Variants in KDM4B observed in about 807,000 individuals in gnomAD.
KDM4B encodes lysine demethylase 4B.
Under a neutral mutation model 125.2 loss-of-function variants are expected in KDM4B, and 32 were observed. The ratio of observed to expected loss-of-function variants is 0.26; its 90% confidence interval spans 0.19 to 0.34. The LOEUF (loss-of-function observed/expected upper bound fraction) is 0.34. Among genes scored for constraint, KDM4B ranks in the 10% least tolerant of loss-of-function variants. The pLI is 1.00. For missense variants in KDM4B, 1,190 were observed against 1,577.7 expected, an observed-to-expected ratio of 0.75 and a Z score of 4.16; for synonymous variants, 721 against 677.9, an observed-to-expected ratio of 1.06 and a Z score of -0.99.
At chr19:5,136,164 C>T (rs900507057) in intron 15 of KDM4B, among the ~76,000 whole-genome samples, 11 of 152,152 alleles carry the variant, frequency 7.2e-5, no homozygotes, top group African/African-American at 2.4e-4. Context: ...TGGGAGGCGA[C>T]AGGAGGAACT....
chr19:4,975,685 C>T (rs1249935257), intron 1 of KDM4B, among the ~76,000 whole-genome samples: 4 of 151,456 alleles, frequency 2.6e-5, no homozygotes, highest in Non-Finnish European at 4.4e-5. Context: ...CTCCACCTCC[C>T]GGATTCAAGC....
intron 6 of KDM4B, among the ~76,000 whole-genome samples, chr19:5,067,273 G>A (rs1246767229): frequency 1.3e-5 from 2 of 152,098 alleles, no homozygotes; most frequent in African/African-American, 2.4e-5. Context: ...CTGAAGCCCC[G>A]TGGCTGTTCT....
chr19:5,055,985 G>A (rs858415), intron 6 of KDM4B, among the ~76,000 whole-genome samples: 120,247 of 152,056 alleles, frequency 0.79, 48,364 homozygotes, highest in East Asian at 0.94. Context: ...GTCTTCCCCC[G>A]TTGTCTTTTC....
intron 9 of KDM4B, among the ~76,000 whole-genome samples, chr19:5,106,186 C>A (rs1384973488): frequency 6.6e-6 from 1 of 152,190 alleles, no homozygotes; most frequent in African/African-American, 2.4e-5. Context: ...CAGCGCACAC[C>A]TCCCTGTTGT....
At position 5,035,486 on chromosome 19, in the gene KDM4B, G is replaced by A. The variant is rs560557645; in HGVS notation, c.141+2455G>A. 5.3e-5 allele frequency among the ~76,000 whole-genome samples: 8 copies of A among 152,052 alleles called. No individual in the cohort carries two copies. Among genetic ancestry groups the A allele is most frequent in the African/African-American group, 1.4e-4 (6 of 41,498 alleles). ...GTTTCCGGCTCTCTCTGCCCTCCAC[G>A]TGGCGGCCTTGGGTGCAGCCTGGGT... On this transcript the variant is annotated intron_variant, in intron 3 of 22. Coordinates refer to ENST00000159111, the MANE Select transcript of KDM4B (RefSeq NM_015015.3). The surrounding 1 kb of genome is among the most constrained non-coding windows in gnomAD (Gnocchi z 5.3).
At chr19:5,064,982 A>G (rs978353049) in intron 6 of KDM4B, among the ~76,000 whole-genome samples, 2 of 152,214 alleles carry the variant, frequency 1.3e-5, no homozygotes, top group Non-Finnish European at 2.9e-5. Flanking sequence ...GTGAGGGGAC[A>G]GGATATTGGA....
chr19:5,093,610 G>A (rs983320575), intron 9 of KDM4B, among the ~76,000 whole-genome samples: 6 of 152,212 alleles, frequency 3.9e-5, no homozygotes, highest in East Asian at 1.9e-4. Context: ...AGCCATCAGC[G>A]CAGATGCGGG....
rs750020958 is a variant in KDM4B, at chr19:5,077,316, A to T, written c.677-51A>T. 6.6e-6 allele frequency: 10 copies of T among 1,521,222 alleles called. No individual in the cohort carries two copies. The African/African-American group carries it at 1.4e-4, about 21-fold the overall frequency. The allele number at this position is 1,521,222 out of a possible 1,614,324, so 94.2% of individuals were successfully genotyped here. A position where few individuals can be genotyped will look rare whatever the true frequency, so the allele number is the denominator to read the frequency against. On this transcript the variant is annotated intron_variant, in intron 7 of 22. Coordinates refer to ENST00000159111, the MANE Select transcript of KDM4B (RefSeq NM_015015.3). ...TGCCCAGAGGGCAGCATCCTCGCTG[A>T]CCCCGGCCGGCTGTGGCCCAGGAGA...
intron 1 of KDM4B, among the ~76,000 whole-genome samples, chr19:4,979,463 T>G (rs1006193046): frequency 6.6e-6 from 1 of 152,140 alleles, no homozygotes; most frequent in Non-Finnish European, 1.5e-5. Context: ...CTGGGAGATC[T>G]GAGAGGGGAT....
rs542860868 is a variant in KDM4B, at chr19:5,038,626, C to G, written c.142-1210C>G. Reference sequence around the variant, plus strand: ...CCCAGGACCTCTCTGGGGTGGAAGTCCACGTGGCCGCCAGGCTAGAGGTCC... The same window carrying G: ...CCCAGGACCTCTCTGGGGTGGAAGTGCACGTGGCCGCCAGGCTAGAGGTCC... On this transcript the variant is annotated intron_variant, in intron 3 of 22. Transcript: ENST00000159111. Among the ~76,000 whole-genome samples, 353 of 152,336 alleles carry G rather than the reference C, an allele frequency of 2.3e-3. 2 individuals are homozygous for G. The highest frequency in any genetic ancestry group is 8.1e-3 in the African/African-American group (338 of 41,578).
chr19:5,016,679 T>C (rs1413186150), intron 2 of KDM4B, among the ~76,000 whole-genome samples: 1 of 152,204 alleles, frequency 6.6e-6, no homozygotes, highest in East Asian at 1.9e-4. Flanking sequence ...CCTGTCTGCA[T>C]CGGCCCTGGG....
At chr19:4,984,135 C>T (rs957216565) in intron 1 of KDM4B, among the ~76,000 whole-genome samples, 6 of 152,094 alleles carry the variant, frequency 3.9e-5, no homozygotes, top group South Asian at 2.1e-4. Flanking sequence ...TGCAGTGCCC[C>T]GGGCGGCCTC....
intron 2 of KDM4B, among the ~76,000 whole-genome samples, chr19:5,021,982 C>G (rs550514872): frequency 6.6e-6 from 1 of 152,140 alleles, no homozygotes; most frequent in Non-Finnish European, 1.5e-5. Flanking sequence ...TTGCCTCTGT[C>G]TGCTTTCCGT....
At chr19:5,092,185 C>T (rs887889780) in intron 9 of KDM4B, among the ~76,000 whole-genome samples, 23 of 152,290 alleles carry the variant, frequency 1.5e-4, no homozygotes, top group Admixed American at 1.2e-3. Context: ...AAGAAGGCCT[C>T]GTTTAGTCTC....
At chr19:5,024,189 G>A (rs964057399) in intron 2 of KDM4B, among the ~76,000 whole-genome samples, 2 of 152,164 alleles carry the variant, frequency 1.3e-5, no homozygotes, top group East Asian at 1.9e-4. Flanking sequence ...ATCCCAGAGT[G>A]GACTCTGGGG....
intron 5 of KDM4B, 42 bp from the exon 6 acceptor site, chr19:5,047,434 G>C: frequency 6.4e-7 from 1 of 1,560,520 alleles, no homozygotes; most frequent in Non-Finnish European, 8.7e-7. Context: ...CAGGTTCTGG[G>C]GGTGGCCGGG....
chr19:5,085,609 C>T (rs1055576255), intron 9 of KDM4B, among the ~76,000 whole-genome samples: 4 of 152,224 alleles, frequency 2.6e-5, no homozygotes, highest in Admixed American at 6.5e-5. Context: ...TGGCGTGCAG[C>T]GCTCGAAACA....
intron 1 of KDM4B, among the ~76,000 whole-genome samples, chr19:4,982,107 A>G (rs760654245): frequency 3.3e-5 from 5 of 151,956 alleles, no homozygotes; most frequent in Non-Finnish European, 7.4e-5. Context: ...CCTGGCCAAC[A>G]TGGCAAAACC....
At chr19:5,090,393 C>CGT (rs1473805972) in intron 9 of KDM4B, among the ~76,000 whole-genome samples, 1 of 59,056 alleles carries the variant, frequency 1.7e-5, no homozygotes, top group Non-Finnish European at 3.4e-5. Flanking sequence ...TATCTCTCCC[C>CGT]CTCTCTCTCT....
Sources: gnomAD v4.1 joint callset for allele counts (sites outside exome capture counted in the v4.1 genomes callset) on GRCh38, gnomAD v4.1.1 for gene constraint, Gnocchi (gnomAD v3.1) non-coding constraint, MANE v1.5 for transcripts, NCBI Gene and HGNC (gene_info 2026-07-23, HGNC 2026-07-21) for gene names.